Variants in PLEKHM3 observed in about 807,000 individuals in gnomAD.
PLEKHM3 encodes the protein pleckstrin homology domain-containing family M member 3.
Under a neutral mutation model 81.8 loss-of-function variants are expected in PLEKHM3, and 45 were observed. The ratio of observed to expected loss-of-function variants is 0.55; its 90% confidence interval spans 0.43 to 0.71. The LOEUF is 0.71. Among genes scored for constraint, PLEKHM3 ranks in the 30% least tolerant of loss-of-function variants. PLEKHM3 has a pLI of 0.00. For synonymous variants in PLEKHM3, 352 were observed against 356.4 expected (o/e 0.99, Z 0.14); for missense variants, 788 against 924.3 (o/e 0.85, Z 1.91).
At chr2:207,868,476 A>G (rs1020491260) in intron 6 of PLEKHM3, 2 of 152,146 alleles carry the variant, frequency 1.3e-5, no homozygotes, top group African/African-American at 4.8e-5. Flanking sequence ...TGATCTGAGG[A>G]CAAATTCTAG....
rs769725248 is a variant in PLEKHM3, at chr2:207,824,952, C to T, written c.*3367G>A. ...AGAAGAATCAAAAACCGATGACCCT[C>T]TCAGCGAATCCGATGTTAAAGCTCC... On this transcript the variant is annotated 3_prime_UTR_variant, in exon 8 of 8. Coordinates refer to ENST00000427836, the MANE Select transcript of PLEKHM3 (RefSeq NM_001080475.3). The T allele has an allele frequency of 6.6e-6, 1 of 152,204 alleles. No homozygotes were observed. The highest frequency in any genetic ancestry group is 1.5e-5 in the Non-Finnish European group (1 of 68,052). The allele number at this position is 152,204 out of a possible 1,614,324, so 9.4% of individuals were successfully genotyped here.
At chr2:207,996,636 T>A (rs1692130008) in intron 2 of PLEKHM3, among the ~76,000 whole-genome samples, 1 of 152,112 alleles carries the variant, frequency 6.6e-6, no homozygotes, top group Non-Finnish European at 1.5e-5. Flanking sequence ...CTGGTGTGAA[T>A]GACAATTAAA....
At chr2:207,880,519 T>C (rs1289539049) in intron 6 of PLEKHM3, among the ~76,000 whole-genome samples, 1 of 149,726 alleles carries the variant, frequency 6.7e-6, no homozygotes, top group Non-Finnish European at 1.5e-5. Flanking sequence ...ATCCTAGCAC[T>C]TTGGGAGGCC....
intron 5 of PLEKHM3, among the ~76,000 whole-genome samples, chr2:207,917,957 C>A (rs1689050579): frequency 6.6e-6 from 1 of 152,028 alleles, no homozygotes; most frequent in South Asian, 2.1e-4. Flanking sequence ...ATCCTTCTAC[C>A]TAATATACTT....
intron 5 of PLEKHM3, 39 bp downstream of exon 5, chr2:207,930,887 A>T (rs1235662092): frequency 6.3e-7 from 1 of 1,598,060 alleles, no homozygotes; most frequent in Non-Finnish European, 8.5e-7. Context: ...GGCGGGAAAG[A>T]AAAACAAACG....
intron 1 of PLEKHM3, among the ~76,000 whole-genome samples, chr2:208,021,940 T>C (rs1693144847): frequency 6.6e-6 from 1 of 152,234 alleles, no homozygotes; most frequent in Non-Finnish European, 1.5e-5. Context: ...TTTGTTCCCA[T>C]TTTGGGGCAT....
intron 6 of PLEKHM3, among the ~76,000 whole-genome samples, chr2:207,869,214 G>A (rs1159117432): frequency 2.6e-5 from 4 of 152,080 alleles, no homozygotes; most frequent in African/African-American, 7.2e-5. Context: ...TAAACCAGGC[G>A]GTCATTTGGT....
At position 207,828,251 on chromosome 2, in the gene PLEKHM3, G is replaced by C; in HGVS notation, c.*68C>G. ...TCTTCCAAAGGGGTCTAACTGGCTA[G>C]TTAGGAGGCCGCTCTGGGGCTGATG... is the stretch of plus-strand genomic sequence containing the variant. On this transcript the variant is annotated 3_prime_UTR_variant, in exon 8 of 8. Transcript: ENST00000427836. 2.0e-6 allele frequency: 3 copies of C among 1,532,162 alleles called. No individual in the cohort carries two copies. The highest frequency in any genetic ancestry group is 2.6e-6 in the Non-Finnish European group (3 of 1,133,970). 94.9% of individuals were successfully genotyped at this position (1,532,162 alleles called of 1,614,324 possible). A position where few individuals can be genotyped will look rare whatever the true frequency, so the allele number is the denominator to read the frequency against.
chr2:207,951,657 C>T (rs1291197265), intron 3 of PLEKHM3, among the ~76,000 whole-genome samples: 2 of 152,150 alleles, frequency 1.3e-5, no homozygotes, highest in Non-Finnish European at 2.9e-5. Context: ...ATTTGCTGCA[C>T]GTACAGTCCA....
chr2:207,991,090 G>A (rs1691886695), intron 2 of PLEKHM3, among the ~76,000 whole-genome samples: 1 of 152,212 alleles, frequency 6.6e-6, no homozygotes, highest in African/African-American at 2.4e-5. Context: ...TTTAAAAGCA[G>A]AGATTTTCTG....
rs200356719 is a variant in PLEKHM3, at chr2:208,012,198, C to T, written c.-318-10241G>A. Among the ~76,000 whole-genome samples the T allele has an allele frequency of 5.1e-4, 77 of 152,098 alleles. No individual in the cohort carries two copies. In the East Asian group the frequency reaches 0.011, roughly 21 times the overall value. On this transcript the variant is annotated intron_variant, in intron 1 of 7. Transcript: ENST00000427836. ...CTGGGACTACAGGTGCCCGCCACCA[C>T]GCCCGGCTAATTTTTTTGTATTTTT...
intron 4 of PLEKHM3, among the ~76,000 whole-genome samples, chr2:207,943,279 C>T (rs947159484): frequency 1.3e-5 from 2 of 152,132 alleles, no homozygotes; most frequent in African/African-American, 2.4e-5. Flanking sequence ...CAAAATATTA[C>T]ATATACCCCA....
chr2:207,886,450 G>T (rs1182498738), intron 6 of PLEKHM3, among the ~76,000 whole-genome samples: 1 of 152,210 alleles, frequency 6.6e-6, no homozygotes, highest in East Asian at 1.9e-4. Flanking sequence ...TGTCATAGCT[G>T]CATTCCACCT....
At chr2:207,908,891 G>A (rs1688714320) in intron 5 of PLEKHM3, among the ~76,000 whole-genome samples, 1 of 152,204 alleles carries the variant, frequency 6.6e-6, no homozygotes, top group African/African-American at 2.4e-5. Context: ...TCCGTAATAA[G>A]CTGTGTGATC....
intron 6 of PLEKHM3, among the ~76,000 whole-genome samples, chr2:207,866,937 A>G (rs991305355): frequency 1.3e-5 from 2 of 152,200 alleles, no homozygotes; most frequent in Non-Finnish European, 2.9e-5. Context: ...TGCTTATCCA[A>G]TTGTAGACTG....
intron 6 of PLEKHM3, among the ~76,000 whole-genome samples, chr2:207,884,983 G>A (rs910582167): frequency 7.9e-5 from 12 of 152,196 alleles, no homozygotes; most frequent in South Asian, 4.1e-4. Context: ...AACTGAGTTC[G>A]TTGGGTAGAC....
At chr2:207,903,849 A>G (rs1688520280) in intron 6 of PLEKHM3, among the ~76,000 whole-genome samples, 1 of 152,252 alleles carries the variant, frequency 6.6e-6, no homozygotes, top group Admixed American at 6.5e-5. Context: ...AAGTTAAGGC[A>G]TTGAGAGTTA....
intron 7 of PLEKHM3, among the ~76,000 whole-genome samples, chr2:207,837,927 C>T (rs1020897911): frequency 2.0e-5 from 3 of 150,924 alleles, no homozygotes; most frequent in Non-Finnish European, 3.0e-5. Flanking sequence ...CCCACCACCA[C>T]GCCCGGCTAA....
At chr2:207,849,442 T>G (rs533952276) in intron 7 of PLEKHM3, among the ~76,000 whole-genome samples, 2 of 152,338 alleles carry the variant, frequency 1.3e-5, no homozygotes, top group African/African-American at 4.8e-5. Flanking sequence ...CCACCATTAT[T>G]TCTTAGAAGA....
Sources: gnomAD v4.1 joint callset for allele counts (sites outside exome capture counted in the v4.1 genomes callset) on GRCh38, gnomAD v4.1.1 for gene constraint, MANE v1.5 for transcripts, NCBI Gene and HGNC (gene_info 2026-07-23, HGNC 2026-07-21) for gene names.